The following SHC3 variants were observed in gnomAD, a reference collection of about 807,000 sequenced individuals.
SHC3 encodes SHC-transforming protein 3.
In SHC3, 15 loss-of-function variants were observed where a neutral mutation model predicts 60.4. The ratio of observed to expected loss-of-function variants is 0.25; its 90% CI spans 0.17 to 0.38. The LOEUF is 0.38. Among genes scored for constraint, SHC3 ranks in the 10% least tolerant of loss-of-function variants. The pLI, the probability that SHC3 is intolerant of heterozygous loss-of-function variation, is 1.00. For synonymous variants in SHC3, 294 were observed against 325.9 expected (o/e 0.90, Z 1.05); for missense variants, 677 against 786.1 (o/e 0.86, Z 1.66).
intron 1 of SHC3, among the ~76,000 whole-genome samples, chr9:89,172,520 CAGACACAGACACACACACACACGA>C (rs1826883538): frequency 6.6e-6 from 1 of 151,906 alleles, no homozygotes; most frequent in Non-Finnish European, 1.5e-5. Flanking sequence ...CACACACACA[CAGACACAGACACACACACACACGA>C]AGACACAGAC....
chr9:89,031,439 T>C (rs1824490907), intron 11 of SHC3, among the ~76,000 whole-genome samples: 1 of 152,190 alleles, frequency 6.6e-6, no homozygotes, highest in South Asian at 2.1e-4. Context: ...ACTCATCTAT[T>C]TTCGGTCTCT....
rs1824700175 is a variant in SHC3, at chr9:89,042,181, G to A, written c.1205C>T (p.Ser402Phe). The stretch of plus-strand genomic sequence containing the variant: ...TTCTGGCGTGCTGTAGATGTCCGAG[G>A]ACCCTGCAACAAGAAAGTGAGCCCC... The part of the protein sequence containing the change: ...DWQQTPLRQG[S>F]SDIYSTPEGK... Residue 402 changes from serine to phenylalanine, a missense_variant, in exon 10 of 12, where the codon TCC becomes TTC. By Grantham distance (155) the Ser-to-Phe change is radical (BLOSUM62 -2). Coordinates refer to ENST00000375835, the MANE Select transcript of SHC3 (RefSeq NM_016848.6). The A allele has an allele frequency of 1.3e-6, 2 of 1,503,772 alleles. No homozygotes were observed. The highest frequency in any genetic ancestry group is 1.8e-6 in the Non-Finnish European group (2 of 1,132,260). The allele number at this position is 1,503,772 out of a possible 1,614,324, so 93.2% of individuals were successfully genotyped here. A position where few individuals can be genotyped will look rare whatever the true frequency, so the allele number is the denominator to read the frequency against.
chr9:89,037,469 G>C, intron 11 of SHC3: 1 of 704,058 alleles, frequency 1.4e-6, no homozygotes, highest in Non-Finnish European at 2.6e-6. Flanking sequence ...AAACCTACGG[G>C]ATTATTCAGA....
intron 1 of SHC3, among the ~76,000 whole-genome samples, chr9:89,131,146 T>TA (rs886435067): frequency 6.6e-6 from 1 of 152,004 alleles, no homozygotes; most frequent in African/African-American, 2.4e-5. Flanking sequence ...TCAAATAAAC[T>TA]AAAAAATCTA....
intron 1 of SHC3, among the ~76,000 whole-genome samples, chr9:89,147,177 A>T (rs527996291): frequency 1.3e-3 from 186 of 147,382 alleles, no homozygotes; most frequent in Middle Eastern, 6.9e-3. Flanking sequence ...AAAAAAAATT[A>T]AAAAAAAAAA....
intron 11 of SHC3, among the ~76,000 whole-genome samples, chr9:89,025,302 C>T (rs1826274418): frequency 6.6e-6 from 1 of 152,112 alleles, no homozygotes; most frequent in African/African-American, 2.4e-5. Flanking sequence ...CCCCACCCCA[C>T]CTCCAGGCTT....
At chr9:89,048,980 G>A (rs192944977) in intron 7 of SHC3, among the ~76,000 whole-genome samples, 1 of 152,294 alleles carries the variant, frequency 6.6e-6, no homozygotes, top group African/African-American at 2.4e-5. Flanking sequence ...ATGATATGCC[G>A]GCCGGGCACG....
intron 2 of SHC3, among the ~76,000 whole-genome samples, chr9:89,088,077 T>C (rs1233139251): frequency 6.6e-6 from 1 of 152,242 alleles, no homozygotes; most frequent in Admixed American, 6.5e-5. Context: ...GATTTAATTA[T>C]GATTCTGGCA....
intron 11 of SHC3, among the ~76,000 whole-genome samples, chr9:89,023,596 A>G (rs1418499290): frequency 6.6e-6 from 1 of 152,176 alleles, no homozygotes; most frequent in Non-Finnish European, 1.5e-5. Context: ...TTCTTTTACC[A>G]TCTATTCTTA....
chr9:89,175,118 T>C (rs1479162309), intron 1 of SHC3, among the ~76,000 whole-genome samples: 1 of 152,268 alleles, frequency 6.6e-6, no homozygotes, highest in Non-Finnish European at 1.5e-5. Context: ...TGTTCTTTGC[T>C]GTTGGATTTT....
At chr9:89,037,896 G>T in intron 11 of SHC3, 97 bp downstream of exon 11, 1 of 1,451,346 alleles carries the variant, frequency 6.9e-7, no homozygotes. Context: ...CTTGTGGATA[G>T]AGGTGGGAAT....
At chr9:89,026,722 C>T (rs113947412) in intron 11 of SHC3, among the ~76,000 whole-genome samples, 13 of 152,316 alleles carry the variant, frequency 8.5e-5, no homozygotes, top group Middle Eastern at 3.4e-3. Context: ...GAACCCTGTC[C>T]GCCCAGGGCT....
intron 1 of SHC3, among the ~76,000 whole-genome samples, chr9:89,128,957 C>T (rs1826202952): frequency 6.6e-6 from 1 of 152,130 alleles, no homozygotes; most frequent in South Asian, 2.1e-4. Flanking sequence ...ACAAACTTCT[C>T]TGAGCTAAAG....
At chr9:89,078,557 G>A (rs1453768921) in intron 2 of SHC3, among the ~76,000 whole-genome samples, 1 of 152,174 alleles carries the variant, frequency 6.6e-6, no homozygotes, top group African/African-American at 2.4e-5. Flanking sequence ...AGGAGGCAGA[G>A]TGTCCTGGTG....
Position 89,178,079 on chromosome 9 carries a change from G to C in SHC3, c.382C>G (p.Arg128Gly). 5.0e-6 allele frequency: 6 copies of C among 1,192,910 alleles called. No homozygotes were observed. Among genetic ancestry groups the C allele is most frequent in the Non-Finnish European group, 6.2e-6 (6 of 963,282 alleles). The allele number at this position is 1,192,910 out of a possible 1,614,324, so 73.9% of individuals were successfully genotyped here. Residue 128 changes from arginine (R) to glycine (G), a missense_variant, in exon 1 of 12, where the codon CGG (arginine) becomes GGG (glycine). Arg to Gly is a moderately radical substitution (Grantham distance 125). Transcript: ENST00000375835. This position sits in a 1 kb window ranked among gnomAD's most constrained non-coding sequence, Gnocchi z 6.9. ...CTGGGCAGCGGCTCGTCGCCGGGCC[G>C]GCCCTTCCTGGCGGCGCTCATGGCC... ...APAMSAARKG[R>G]PGDEPLPRPP... is the part of the protein sequence containing the mutation.
chr9:89,175,110 T>C (rs1826924239), intron 1 of SHC3, among the ~76,000 whole-genome samples: 1 of 152,278 alleles, frequency 6.6e-6, no homozygotes, highest in South Asian at 2.1e-4. Flanking sequence ...ATAGTCATTG[T>C]TCTTTGCTGT....
intron 1 of SHC3, among the ~76,000 whole-genome samples, chr9:89,114,047 C>A (rs1825987920): frequency 6.6e-6 from 1 of 152,116 alleles, no homozygotes; most frequent in South Asian, 2.1e-4. Context: ...ACGTGAAAAC[C>A]ACCACCTATG....
intron 2 of SHC3, among the ~76,000 whole-genome samples, chr9:89,106,585 C>T (rs1825863485): frequency 6.6e-6 from 1 of 152,132 alleles, no homozygotes; most frequent in Admixed American, 6.5e-5. Context: ...TTCCCCAGTT[C>T]CTACGCACTT....
At chr9:89,042,669 G>A (rs1300423816) in intron 9 of SHC3, among the ~76,000 whole-genome samples, 1 of 152,210 alleles carries the variant, frequency 6.6e-6, no homozygotes, top group Non-Finnish European at 1.5e-5. Context: ...AAGGAACTGA[G>A]AGAGACTCCT....
Sources: allele counts gnomAD v4.1 joint callset (sites outside exome capture counted in the v4.1 genomes callset), GRCh38; gene constraint gnomAD v4.1.1; non-coding constraint Gnocchi (gnomAD v3.1); transcripts MANE v1.5; gene names NCBI Gene and HGNC (gene_info 2026-07-23, HGNC 2026-07-21).